Variants in WAC observed in about 807,000 individuals in gnomAD.
The protein encoded by WAC is WW domain containing adaptor with coiled-coil, also known as WW domain-containing adapter protein with coiled-coil.
WAC carries 11 observed loss-of-function variants against 79.6 expected under a neutral mutation model. That is an observed-to-expected ratio of 0.14 (90% confidence interval 0.09 to 0.23). The LOEUF (loss-of-function observed/expected upper bound fraction) is 0.23. Among genes scored for constraint, WAC ranks in the 10% least tolerant of loss-of-function variants. The probability of loss-of-function intolerance (pLI) is 1.00; values close to 1 mark genes in which losing one functional copy is unlikely to be tolerated. For missense variants in WAC, 728 were observed against 773.5 expected, an observed-to-expected ratio of 0.94 and a Z score of 0.70; for synonymous variants, 304 against 276.9, an observed-to-expected ratio of 1.10 and a Z score of -0.97.
chr10:28,547,914 T>C (rs1175918917), intron 3 of WAC, among the ~76,000 whole-genome samples: 1 of 104,814 alleles, frequency 9.5e-6, no homozygotes, highest in Non-Finnish European at 1.9e-5. Context: ...TTTCTCTTTT[T>C]CTTTTTTTTT....
intron 3 of WAC, among the ~76,000 whole-genome samples, chr10:28,540,697 T>C (rs1219331010): frequency 6.6e-6 from 1 of 152,210 alleles, no homozygotes; most frequent in Non-Finnish European, 1.5e-5. Flanking sequence ...ATTTTTTGTC[T>C]AGTAAAAATA....
chr10:28,560,489 T>C (rs1372646945), intron 3 of WAC, among the ~76,000 whole-genome samples: 2 of 152,180 alleles, frequency 1.3e-5, no homozygotes, highest in South Asian at 2.1e-4. Context: ...ATTTTGTTTT[T>C]TTGTGTCGTC....
intron 3 of WAC, among the ~76,000 whole-genome samples, chr10:28,551,784 T>G (rs796163806): frequency 3.2e-5 from 4 of 124,808 alleles, no homozygotes; most frequent in South Asian, 2.6e-4. Context: ...TCCTGTCTAC[T>G]TGTGTGTGTG....
intron 10 of WAC, among the ~76,000 whole-genome samples, chr10:28,613,008 C>T (rs1217554454): frequency 1.3e-5 from 2 of 152,030 alleles, no homozygotes; most frequent in Non-Finnish European, 2.9e-5. Context: ...GAAGGCTGGG[C>T]GCGGTGGCTC....
chr10:28,585,522 T>G (rs1488844757), intron 4 of WAC, among the ~76,000 whole-genome samples: 2 of 151,698 alleles, frequency 1.3e-5, no homozygotes, highest in Non-Finnish European at 2.9e-5. Flanking sequence ...CTATTTGTGA[T>G]GGGTCATTTT....
chr10:28,608,498 C>G, intron 8 of WAC, 67 bp downstream of exon 8: 1 of 1,424,718 alleles, frequency 7.0e-7, no homozygotes, highest in South Asian at 1.4e-5. Flanking sequence ...GTAGTAAAAT[C>G]CCCAGTTTAG....
intron 3 of WAC, among the ~76,000 whole-genome samples, chr10:28,567,863 T>G (rs1838733566): frequency 1.3e-5 from 2 of 152,024 alleles, no homozygotes; most frequent in African/African-American, 4.8e-5. Flanking sequence ...TAAGTGATCC[T>G]CCCACTCCAG....
At position 28,610,777 on chromosome 10, in the gene WAC, A is replaced by G. The variant is rs1347340254; in HGVS notation, c.1244A>G (p.Asn415Ser). Residue 415 changes from asparagine (N) to serine (S), a missense_variant, in exon 9 of 14, where the codon AAC (asparagine) becomes AGC (serine). This residue lies in a region of WAC where 648 missense variants were observed against 661.5 expected (regional missense o/e 0.98). Transcript: ENST00000354911. ...KFLTAGPSAFNITSLISQAAQ... is the reference protein window; with the variant it reads ...KFLTAGPSAFSITSLISQAAQ... ...CTTACTGCTGGACCATCTGCTTTCA[A>G]CATAACGTCTCTGATTTCTCAAGCT... The G allele has an allele frequency of 2.5e-6, 4 of 1,612,476 alleles. No homozygotes were observed. The highest frequency in any genetic ancestry group is 3.4e-6 in the Non-Finnish European group (4 of 1,179,620).
At chr10:28,562,380 G>GT (rs199513179) in intron 3 of WAC, among the ~76,000 whole-genome samples, 3,535 of 152,072 alleles carry the variant, frequency 0.023, 59 homozygotes, top group South Asian at 0.031. Flanking sequence ...TTTTCTATGT[G>GT]TTTTTTTCCA....
chr10:28,560,568 A>T (rs1177162230), intron 3 of WAC, among the ~76,000 whole-genome samples: 1 of 152,110 alleles, frequency 6.6e-6, no homozygotes, highest in Non-Finnish European at 1.5e-5. Context: ...TAGAGTCTAG[A>T]GTCGAAGGCA....
At chr10:28,539,831 T>G (rs1055221717) in intron 3 of WAC, among the ~76,000 whole-genome samples, 1 of 152,156 alleles carries the variant, frequency 6.6e-6, no homozygotes, top group Non-Finnish European at 1.5e-5. Flanking sequence ...AGTGCTAGGA[T>G]TACAGGCGTG....
intron 5 of WAC, among the ~76,000 whole-genome samples, 154 bp from the exon 6 acceptor site, chr10:28,590,566 T>C (rs1343434210): frequency 6.6e-6 from 1 of 152,230 alleles, no homozygotes; most frequent in Non-Finnish European, 1.5e-5. Flanking sequence ...TTCTGTTTGC[T>C]ACGTTCCATC....
intron 4 of WAC, chr10:28,588,996 C>T (rs1253936703): frequency 6.6e-6 from 1 of 152,166 alleles, no homozygotes; most frequent in African/African-American, 2.4e-5. Context: ...AGATACTTAA[C>T]TAATCTTTGT....
chr10:28,537,033 C>T (rs1205421342), intron 3 of WAC, among the ~76,000 whole-genome samples: 2 of 152,160 alleles, frequency 1.3e-5, no homozygotes, highest in African/African-American at 4.8e-5. Context: ...TCAGTGTGAT[C>T]ATATACTGAG....
At chr10:28,544,040 G>A (rs568463026) in intron 3 of WAC, among the ~76,000 whole-genome samples, 6 of 152,164 alleles carry the variant, frequency 3.9e-5, no homozygotes, top group South Asian at 2.1e-4. Context: ...GCACTGCCAC[G>A]CCCAGCTAAT....
At chr10:28,599,922 C>CA (rs1160363138) in intron 7 of WAC, among the ~76,000 whole-genome samples, 18 of 151,922 alleles carry the variant, frequency 1.2e-4, no homozygotes, top group African/African-American at 3.9e-4. Context: ...TCTGATACAC[C>CA]AAAAAAATAC....
At chr10:28,562,500 A>C (rs1240730083) in intron 3 of WAC, among the ~76,000 whole-genome samples, 1 of 152,222 alleles carries the variant, frequency 6.6e-6, no homozygotes, top group Admixed American at 6.5e-5. Flanking sequence ...GGTATTTTAC[A>C]ACATGATTTT....
At chr10:28,533,084 A>T (rs953321875), upstream of WAC, 1 of 154,818 alleles carries the variant, frequency 6.5e-6, no homozygotes, top group Non-Finnish European at 1.4e-5. Flanking sequence ...GGCCCGGCGG[A>T]AACTGCCGAG....
intron 3 of WAC, among the ~76,000 whole-genome samples, chr10:28,569,848 G>A (rs1838849005): frequency 1.3e-5 from 2 of 152,126 alleles, no homozygotes; most frequent in Admixed American, 1.3e-4. Context: ...TTCTTTTTGT[G>A]TATAAAATTG....
Sources: gnomAD v4.1 joint callset for allele counts (sites outside exome capture counted in the v4.1 genomes callset) on GRCh38, gnomAD v4.1.1 for gene constraint, gnomAD v4.1.1 regional missense constraint, MANE v1.5 for transcripts, NCBI Gene and HGNC (gene_info 2026-07-23, HGNC 2026-07-21) for gene names.